The following GRIK5 variants were observed in gnomAD, a reference collection of about 807,000 sequenced individuals.
GRIK5 encodes the protein glutamate ionotropic receptor kainate type subunit 5.
GRIK5 carries 43 observed loss-of-function variants against 97.4 expected under a neutral mutation model. The observed-to-expected ratio is 0.44, with a 90% CI of 0.35 to 0.57. The LOEUF (loss-of-function observed/expected upper bound fraction) is 0.57, where lower values mean the gene tolerates loss of function less well. GRIK5 is among the 20% of genes least tolerant of loss of function. GRIK5 has a pLI of 0.01. For synonymous variants in GRIK5, 580 were observed against 583.5 expected, an observed-to-expected ratio of 0.99 and a Z score of 0.09; for missense variants, 1,015 against 1,382.0, an observed-to-expected ratio of 0.73 and a Z score of 4.21.
At chr19:42,037,774 A>T (rs1283218167) in intron 12 of GRIK5, among the ~76,000 whole-genome samples, 1 of 151,914 alleles carries the variant, frequency 6.6e-6, no homozygotes, top group Non-Finnish European at 1.5e-5. Context: ...ACTCTCCCCA[A>T]GAGCAGCCCA....
chr19:42,068,842 G>A, intron 1 of GRIK5: 1 of 674,452 alleles, frequency 1.5e-6, no homozygotes, highest in Non-Finnish European at 2.7e-6. Context: ...GGACGGGGTG[G>A]GGACAGGGCC....
In GRIK5 at chr19:42,002,122, T is replaced by C. The variant is rs1568876556; in HGVS notation, c.2514+1210A>G. ...GGCCTGAGACCGGGAATTTCAGACA[T>C]GGAAGTTGCTGGTGACAAGAGTGGC... On this transcript the variant is annotated intron_variant, in intron 19 of 19. Coordinates refer to ENST00000593562, the MANE Select transcript of GRIK5 (RefSeq NM_002088.5). The surrounding 1 kb of genome is among the most constrained non-coding windows in gnomAD (Gnocchi z 5.2). 7.0e-6 allele frequency: 5 copies of C among 716,674 alleles called. No individual in the cohort carries two copies. Among genetic ancestry groups the C allele is most frequent in the East Asian group, 2.7e-5 (1 of 37,272 alleles). 44.4% of individuals were successfully genotyped at this position (716,674 alleles called of 1,614,324 possible). A position where few individuals can be genotyped will look rare whatever the true frequency, so the allele number is the denominator to read the frequency against.
chr19:42,020,149 C>G (rs1176176337), intron 15 of GRIK5, among the ~76,000 whole-genome samples: 1 of 152,086 alleles, frequency 6.6e-6, no homozygotes, highest in Non-Finnish European at 1.5e-5. Flanking sequence ...TTAAAAAAGC[C>G]ATCAAGACTC....
In GRIK5 at chr19:42,022,050, T is replaced by C; in HGVS notation, c.1594A>G (p.Lys532Glu). The change falls in exon 14 of 20, where the codon AAG becomes GAG. Residue 532 changes from lysine (K) to glutamate (E), a missense_variant. By Grantham distance (56) the Lys-to-Glu change is moderately conservative. Transcript: ENST00000593562. The surrounding 1 kb of genome is among the most constrained non-coding windows in gnomAD (Gnocchi z 4.2). ...TCCAGGAAGGAGAAGTAGCCAGGCT[T>C]GCGGCCCTGTGGGGAGAGGGAGTGA... ...SILYRVHMGR[K>E]PGYFSFLDPF... is the part of the protein sequence containing the mutation. The C allele has an allele frequency of 6.2e-7, 1 of 1,610,470 alleles. No individual in the cohort carries two copies. Among genetic ancestry groups the C allele is most frequent in the African/African-American group, 1.3e-5 (1 of 74,912 alleles).
At chr19:42,001,845 A>C (rs1568876288) in intron 19 of GRIK5, 4 of 456,316 alleles carry the variant, frequency 8.8e-6, no homozygotes, top group Non-Finnish European at 1.5e-5. Flanking sequence ...CACAAGAATC[A>C]CCAGCACATA....
At position 42,065,779 on chromosome 19, in the gene GRIK5, C is replaced by A; in HGVS notation, c.-9G>T. 1 of 1,572,462 alleles carries A rather than the reference C, an allele frequency of 6.4e-7. No individual in the cohort carries two copies. Among genetic ancestry groups the A allele is most frequent in the East Asian group, 2.4e-5 (1 of 42,268 alleles). ...AGCAGCTCAGCCGGCATCTTCCTCCCCTCCTCATGGGGACGCAGCTGCCGC... is the reference window on the plus strand; with the variant it reads ...AGCAGCTCAGCCGGCATCTTCCTCCACTCCTCATGGGGACGCAGCTGCCGC... On this transcript the variant is annotated 5_prime_UTR_variant, in exon 2 of 20. Transcript: ENST00000593562. The surrounding 1 kb of genome is among the most constrained non-coding windows in gnomAD (Gnocchi z 5.8).
In GRIK5 at chr19:42,021,143, C is replaced by T. The variant is rs2075690698; in HGVS notation, c.1871+158G>A. On this transcript the variant is annotated intron_variant, in intron 15 of 19. Coordinates refer to ENST00000593562, the MANE Select transcript of GRIK5 (RefSeq NM_002088.5). The surrounding 1 kb of genome is among the most constrained non-coding windows in gnomAD (Gnocchi z 4.2). ...CTCACATAGCCAGTAAGCGGCAGAG[C>T]TGGAGCTCAGCTCTCCCCACCCCAT... Among the ~76,000 whole-genome samples, 1 of 152,230 alleles carries T rather than the reference C, an allele frequency of 6.6e-6. No individual in the cohort carries two copies. Among genetic ancestry groups the T allele is most frequent in the South Asian group, 2.1e-4 (1 of 4,832 alleles).
At chr19:42,027,437 T>C (rs1024689266) in intron 12 of GRIK5, among the ~76,000 whole-genome samples, 1 of 152,134 alleles carries the variant, frequency 6.6e-6, no homozygotes, top group East Asian at 1.9e-4. Context: ...TGGAGCAGAA[T>C]AGGAGGGCCT....
chr19:42,041,457 G>A (rs1415075129), intron 12 of GRIK5, among the ~76,000 whole-genome samples: 1 of 152,188 alleles, frequency 6.6e-6, no homozygotes, highest in Non-Finnish European at 1.5e-5. Context: ...CGATGTGTGA[G>A]GTACTTGTCC....
chr19:42,013,309 A>T (rs2075585739), intron 15 of GRIK5, among the ~76,000 whole-genome samples: 1 of 151,658 alleles, frequency 6.6e-6, no homozygotes, highest in Non-Finnish European at 1.5e-5. Context: ...CTATAAACAC[A>T]CAGCACTCCA....
chr19:42,062,799 C>T lies in GRIK5; in HGVS notation c.301G>A (p.Ala101Thr). The T allele has an allele frequency of 6.2e-7, 1 of 1,614,104 alleles. No individual in the cohort carries two copies. Among genetic ancestry groups the T allele is most frequent in the Non-Finnish European group, 8.5e-7 (1 of 1,179,942 alleles). ...ATATGGCTCACGGTGGAGGCAGATG[C>T]TGGGCTAGAGGAGGGCCCAAGGACA... Reference protein sequence around the residue: ...VSVLGPSSSPASASTVSHICG... With the variant: ...VSVLGPSSSPTSASTVSHICG... The change falls in exon 4 of 20, where the codon GCA becomes ACA. Residue 101 changes from alanine to threonine, a missense_variant. Around this residue, in one of 5 missense-constraint regions of GRIK5, gnomAD observed 198 missense variants for 218.2 expected, o/e 0.91. Coordinates refer to ENST00000593562, the MANE Select transcript of GRIK5 (RefSeq NM_002088.5). This position sits in a 1 kb window ranked among gnomAD's most constrained non-coding sequence, Gnocchi z 5.3.
intron 12 of GRIK5, among the ~76,000 whole-genome samples, chr19:42,027,668 TGGCAGCACTG>T (rs2075788973): frequency 6.6e-6 from 1 of 151,996 alleles, no homozygotes. Context: ...CAGGACTGAG[TGGCAGCACTG>T]GTGGTGGAGA....
intron 15 of GRIK5, among the ~76,000 whole-genome samples, chr19:42,018,847 T>A (rs1233194481): frequency 6.6e-6 from 1 of 152,016 alleles, no homozygotes; most frequent in East Asian, 1.9e-4. Context: ...AGGCAAGTCC[T>A]CGAGGGTGAT....
In GRIK5 at chr19:42,003,032, G is replaced by C. The variant is rs1162664807; in HGVS notation, c.2514+300C>G. Among the ~76,000 whole-genome samples, 2 of 152,016 alleles carry C rather than the reference G, an allele frequency of 1.3e-5. No homozygotes were observed. The highest frequency in any genetic ancestry group is 4.8e-5 in the African/African-American group (2 of 41,380). On this transcript the variant is annotated intron_variant, in intron 19 of 19. Coordinates refer to ENST00000593562, the MANE Select transcript of GRIK5 (RefSeq NM_002088.5). This position sits in a 1 kb window ranked among gnomAD's most constrained non-coding sequence, Gnocchi z 4.2. ...ATTACAGGTGTGAGCCACTGCACTT[G>C]GCCCTGTTTCTCTTCTTATTTCTTC...
intron 1 of GRIK5, among the ~76,000 whole-genome samples, chr19:42,067,993 G>A (rs538929629): frequency 6.6e-6 from 1 of 152,322 alleles, no homozygotes; most frequent in South Asian, 2.1e-4. Context: ...ACAGGGTGAG[G>A]GAGAAGGCAA....
Position 41,998,821 on chromosome 19 carries a change from G to T in GRIK5, c.*50C>A. 1.0e-6 allele frequency: 1 copy of T among 970,824 alleles called. No individual in the cohort carries two copies. The highest frequency in any genetic ancestry group is 1.3e-6 in the Non-Finnish European group (1 of 786,660). 60.1% of individuals were successfully genotyped at this position (970,824 alleles called of 1,614,324 possible). A position where few individuals can be genotyped will look rare whatever the true frequency, so the allele number is the denominator to read the frequency against. ...AGCGGAGACTGCTGGGGCCTGGGGCGGGCCCCGTCCCTTCGGTCAGTCCGG... is the reference window on the plus strand; with the variant it reads ...AGCGGAGACTGCTGGGGCCTGGGGCTGGCCCCGTCCCTTCGGTCAGTCCGG... On this transcript the variant is annotated 3_prime_UTR_variant, in exon 20 of 20. Transcript: ENST00000593562.
intron 12 of GRIK5, among the ~76,000 whole-genome samples, chr19:42,035,504 G>A (rs528728342): frequency 5.9e-5 from 9 of 152,006 alleles, no homozygotes; most frequent in Non-Finnish European, 1.0e-4. Context: ...GTCAGGAGTC[G>A]AGACCAGCCT....
Position 42,003,692 on chromosome 19 carries a change from G to A in GRIK5, c.2264-9C>T. The stretch of plus-strand genomic sequence containing the variant: ...ATCCCGGAACGGGGAGCCTGGGCAG[G>A]CACACGAGGGGCTGGACCAGCCATC... On this transcript the variant is annotated splice_polypyrimidine_tract_variant and intron_variant, in intron 17 of 19. Coordinates refer to ENST00000593562, the MANE Select transcript of GRIK5 (RefSeq NM_002088.5). The surrounding 1 kb of genome is among the most constrained non-coding windows in gnomAD (Gnocchi z 4.2). The A allele has an allele frequency of 1.2e-6, 2 of 1,603,452 alleles. No individual in the cohort carries two copies. The highest frequency in any genetic ancestry group is 1.7e-6 in the Non-Finnish European group (2 of 1,174,728).
chr19:42,005,932 G>A lies in GRIK5; in HGVS notation c.2054C>T (p.Thr685Met), dbSNP rs1207950365. ...CATGTAGTTCCACATGCGCTGGTACGTTTGGTACCGTGAATTCTGGGCAGG... is the reference window on the plus strand; with the variant it reads ...CATGTAGTTCCACATGCGCTGGTACATTTGGTACCGTGAATTCTGGGCAGG... ...MTFFQNSRYQ[T>M]YQRMWNYMQS... Residue 685 changes from threonine (T) to methionine (M), a missense_variant, in exon 17 of 20, where the codon ACG (threonine) becomes ATG (methionine). Thr to Met is a moderately conservative substitution (Grantham distance 81). Transcript: ENST00000593562. 5 of 1,562,112 alleles carry A rather than the reference G, an allele frequency of 3.2e-6. No individual in the cohort carries two copies. Among genetic ancestry groups the A allele is most frequent in the African/African-American group, 1.3e-5 (1 of 74,096 alleles).
Sources: allele counts gnomAD v4.1 joint callset (sites outside exome capture counted in the v4.1 genomes callset), GRCh38; gene constraint gnomAD v4.1.1; regional missense constraint gnomAD v4.1.1; non-coding constraint Gnocchi (gnomAD v3.1); transcripts MANE v1.5; gene names NCBI Gene and HGNC (gene_info 2026-07-23, HGNC 2026-07-21).